Variants in GRIN2A observed in about 807,000 individuals in gnomAD.
The protein encoded by GRIN2A is glutamate ionotropic receptor NMDA type subunit 2A.
A neutral mutation model predicts 113.4 loss-of-function variants in GRIN2A; 22 were observed. That is an observed-to-expected ratio of 0.19 (90% CI 0.14 to 0.28). The LOEUF is 0.28. GRIN2A is among the 10% of genes least tolerant of loss of function. The pLI, the probability that GRIN2A is intolerant of heterozygous loss-of-function variation, is 1.00. For synonymous variants in GRIN2A, 827 were observed against 738.4 expected, an observed-to-expected ratio of 1.12 and a Z score of -1.94; for missense variants, 1,502 against 1,887.0, an observed-to-expected ratio of 0.80 and a Z score of 3.78.
At chr16:10,031,025 G>A (rs1354778018) in intron 2 of GRIN2A, among the ~76,000 whole-genome samples, 1 of 152,126 alleles carries the variant, frequency 6.6e-6, no homozygotes, top group Non-Finnish European at 1.5e-5. Flanking sequence ...ATGAGGCCAG[G>A]GAGAAATCTG....
At chr16:10,061,064 C>A (rs935754201) in intron 2 of GRIN2A, among the ~76,000 whole-genome samples, 4 of 152,186 alleles carry the variant, frequency 2.6e-5, no homozygotes, top group Non-Finnish European at 5.9e-5. Context: ...CAACAATAGA[C>A]TGAAATGCTG....
intron 2 of GRIN2A, among the ~76,000 whole-genome samples, chr16:10,127,208 GC>G (rs1427020961): frequency 1.3e-5 from 2 of 150,774 alleles, no homozygotes; most frequent in Non-Finnish European, 3.0e-5. Context: ...CTCCAGCCTG[GC>G]AACAGAGATT....
chr16:10,039,531 G>A (rs1016107127), intron 2 of GRIN2A, among the ~76,000 whole-genome samples: 4 of 152,064 alleles, frequency 2.6e-5, no homozygotes, highest in African/African-American at 9.7e-5. Context: ...GGGGCAGGAT[G>A]GGAGCAAGGC....
At chr16:10,103,073 C>A (rs953248195) in intron 2 of GRIN2A, among the ~76,000 whole-genome samples, 1 of 152,172 alleles carries the variant, frequency 6.6e-6, no homozygotes, top group African/African-American at 2.4e-5. Context: ...TGGAAAGATA[C>A]TAATATAGCA....
chr16:10,179,474 C>T (rs2050214721), intron 2 of GRIN2A: 1 of 167,818 alleles, frequency 6.0e-6, no homozygotes, highest in Non-Finnish European at 1.3e-5. Flanking sequence ...ATTTTTTCTG[C>T]CCTTTTGTGC....
At chr16:9,889,760 T>C (rs12325652) in intron 4 of GRIN2A, among the ~76,000 whole-genome samples, 44,217 of 152,042 alleles carry the variant, frequency 0.29, 7,472 homozygotes, top group African/African-American at 0.47. Context: ...GGAGATTTTC[T>C]AGATATATTT....
chr16:10,040,867 A>T (rs1029795658), intron 2 of GRIN2A, among the ~76,000 whole-genome samples: 1 of 152,220 alleles, frequency 6.6e-6, no homozygotes, highest in Non-Finnish European at 1.5e-5. Flanking sequence ...AGCTGTGCCG[A>T]TGAGCCGTCG....
At chr16:9,797,752 G>A (rs1463050391) in intron 11 of GRIN2A, among the ~76,000 whole-genome samples, 1 of 152,202 alleles carries the variant, frequency 6.6e-6, no homozygotes, top group Non-Finnish European at 1.5e-5. Context: ...CTACCAACAT[G>A]TGAGGTTGGA....
intron 2 of GRIN2A, among the ~76,000 whole-genome samples, chr16:9,945,747 G>T (rs1479688810): frequency 4.6e-5 from 7 of 152,178 alleles, no homozygotes; most frequent in Admixed American, 4.6e-4. Flanking sequence ...CTGAACTGAA[G>T]GAAGCAGCTT....
intron 2 of GRIN2A, among the ~76,000 whole-genome samples, chr16:9,972,713 G>A (rs2045696756): frequency 6.6e-6 from 1 of 152,140 alleles, no homozygotes; most frequent in Non-Finnish European, 1.5e-5. Flanking sequence ...TAAGCAGAGG[G>A]GCTTTTATAA....
chr16:10,030,229 C>T (rs546319574), intron 2 of GRIN2A, among the ~76,000 whole-genome samples: 25 of 152,070 alleles, frequency 1.6e-4, no homozygotes, highest in African/African-American at 6.0e-4. Context: ...TCATTTCTCT[C>T]GTCCTTCAAT....
At chr16:10,072,482 C>A (rs575672607) in intron 2 of GRIN2A, among the ~76,000 whole-genome samples, 25 of 152,298 alleles carry the variant, frequency 1.6e-4, no homozygotes, top group Admixed American at 1.0e-3. Context: ...GGGTCCCATG[C>A]CCTGAGTTTC....
intron 8 of GRIN2A, among the ~76,000 whole-genome samples, chr16:9,832,602 C>T (rs907467166): frequency 6.6e-6 from 1 of 152,150 alleles, no homozygotes. Context: ...ATAGTGCCTC[C>T]TGGCACGTAG....
At chr16:10,152,375 C>T (rs1199484365) in intron 2 of GRIN2A, among the ~76,000 whole-genome samples, 1 of 152,164 alleles carries the variant, frequency 6.6e-6, no homozygotes, top group Non-Finnish European at 1.5e-5. Context: ...TGGAGAAGCT[C>T]ATGGAAATGG....
At chr16:10,124,889 G>A (rs2048902415) in intron 2 of GRIN2A, among the ~76,000 whole-genome samples, 1 of 152,188 alleles carries the variant, frequency 6.6e-6, no homozygotes, top group African/African-American at 2.4e-5. Flanking sequence ...CAAAGGAAAT[G>A]CCCCAAAAGC....
intron 3 of GRIN2A, among the ~76,000 whole-genome samples, chr16:9,924,231 T>C (rs895289302): frequency 6.5e-4 from 99 of 152,306 alleles, no homozygotes; most frequent in Non-Finnish European, 4.0e-4. Context: ...TTACTTTCTT[T>C]CTCCCTGAAG....
chr16:9,763,931 C>T lies in GRIN2A; in HGVS notation c.3613G>A (p.Glu1205Lys), dbSNP rs918332999. Residue 1205 changes from glutamate to lysine, a missense_variant, in exon 13 of 13, where the codon GAG becomes AAG. By Grantham distance (56) the Glu-to-Lys change is moderately conservative. This residue lies in a region of GRIN2A where 832 missense variants were observed against 789.7 expected (regional missense o/e 1.05). Coordinates refer to ENST00000330684, the MANE Select transcript of GRIN2A (RefSeq NM_001134407.3). Reference protein sequence around the residue: ...DKGSPHSETSERYRQNSTHCR... With the variant: ...DKGSPHSETSKRYRQNSTHCR... ...TGCGTGGAGTTCTGCCGGTATCGCT[C>T]GCTGGTCTCACTGTGCGGGGAACCC... 2 of 1,614,072 alleles carry T rather than the reference C, an allele frequency of 1.2e-6. No individual in the cohort carries two copies. The highest frequency in any genetic ancestry group is 1.7e-6 in the Non-Finnish European group (2 of 1,180,020).
intron 2 of GRIN2A, among the ~76,000 whole-genome samples, chr16:10,037,720 G>C (rs571293819): frequency 7.2e-5 from 11 of 152,166 alleles, no homozygotes; most frequent in African/African-American, 2.7e-4. Flanking sequence ...CTACCTCCTG[G>C]ACTCAGGTGA....
chr16:9,919,544 G>T (rs1473722238), intron 3 of GRIN2A, among the ~76,000 whole-genome samples: 1 of 152,104 alleles, frequency 6.6e-6, no homozygotes, highest in Non-Finnish European at 1.5e-5. Flanking sequence ...ATCTGGAAAG[G>T]CAAGTACATT....
Sources: gnomAD v4.1 joint callset for allele counts (sites outside exome capture counted in the v4.1 genomes callset) on GRCh38, gnomAD v4.1.1 for gene constraint, gnomAD v4.1.1 regional missense constraint, MANE v1.5 for transcripts, NCBI Gene and HGNC (gene_info 2026-07-23, HGNC 2026-07-21) for gene names.